PLCB4: variants seen among roughly 807,000 people sequenced by gnomAD.
The protein encoded by PLCB4 is phospholipase C beta 4.
In PLCB4, 77 loss-of-function variants were observed where a neutral mutation model predicts 178.8. That is an observed-to-expected ratio of 0.43 (90% CI 0.36 to 0.52). The LOEUF is 0.52. Among genes scored for constraint, PLCB4 ranks in the 20% least tolerant of loss-of-function variants. The pLI is 0.00. For missense variants in PLCB4, 1,024 were observed against 1,453.4 expected, an observed-to-expected ratio of 0.70 and a Z score of 4.80; for synonymous variants, 496 against 490.8, an observed-to-expected ratio of 1.01 and a Z score of -0.14.
chr20:9,406,575 G>GC (rs2039452133), intron 21 of PLCB4, among the ~76,000 whole-genome samples: 1 of 150,620 alleles, frequency 6.6e-6, no homozygotes, highest in Admixed American at 6.6e-5. Context: ...TGAAAGCTCT[G>GC]CCCCCCGGGT....
intron 12 of PLCB4, among the ~76,000 whole-genome samples, chr20:9,373,465 T>A (rs920706639): frequency 1.3e-5 from 2 of 152,228 alleles, no homozygotes; most frequent in African/African-American, 4.8e-5. Context: ...AGAGAATGGA[T>A]TGAGTTTACT....
At chr20:9,135,508 G>A (rs13044386) in intron 2 of PLCB4, among the ~76,000 whole-genome samples, 22,236 of 152,016 alleles carry the variant, frequency 0.15, 1,694 homozygotes, top group Middle Eastern at 0.19. Context: ...TACAAAGCAC[G>A]ACTTTGTTTC....
rs1324317635 is a variant in PLCB4 at position 9,076,173 on chromosome 20, A to G, written c.-135+6967A>G. Among the ~76,000 whole-genome samples, 3 of 152,130 alleles carry G rather than the reference A, an allele frequency of 2.0e-5. No homozygotes were observed. The East Asian group carries it at 5.8e-4, about 29-fold the overall frequency. ...TCCTGTTTCATGGTGCTCCTTTAAA[A>G]TAAGAACACCTGGCCGGGCGCGATG... On this transcript the variant is annotated intron_variant, in intron 1 of 39. Transcript: ENST00000378473.
chr20:9,243,369 T>C (rs2094087863), intron 3 of PLCB4, among the ~76,000 whole-genome samples: 2 of 152,172 alleles, frequency 1.3e-5, no homozygotes, highest in South Asian at 4.1e-4. Flanking sequence ...AAATTTATTT[T>C]AGAAAAAGGC....
chr20:9,383,460 C>T lies in PLCB4; in HGVS notation c.854-741C>T, dbSNP rs893941584. Among the ~76,000 whole-genome samples the T allele has an allele frequency of 2.0e-5, 3 of 152,174 alleles. No homozygotes were observed. In the South Asian group the frequency reaches 6.2e-4, roughly 31 times the overall value. ...TGCAAGTTCTTAAATAAAACAAAAA[C>T]TTGAAGCTGTCGATGCATCAACCAT... On this transcript the variant is annotated intron_variant, in intron 13 of 39. Transcript: ENST00000378473.
At chr20:9,235,067 A>G (rs2093978914) in intron 3 of PLCB4, among the ~76,000 whole-genome samples, 2 of 152,136 alleles carry the variant, frequency 1.3e-5, no homozygotes, top group African/African-American at 4.8e-5. Flanking sequence ...TGGTTGTAAG[A>G]TGTGATGGAC....
At chr20:9,300,173 G>A (rs949664021) in intron 3 of PLCB4, among the ~76,000 whole-genome samples, 3 of 152,116 alleles carry the variant, frequency 2.0e-5, no homozygotes, top group South Asian at 4.1e-4. Context: ...TGAAATATGT[G>A]TGATAGATTC....
chr20:9,326,421 C>A (rs1486350884), intron 4 of PLCB4, among the ~76,000 whole-genome samples: 1 of 152,094 alleles, frequency 6.6e-6, no homozygotes, highest in African/African-American at 2.4e-5. Context: ...ACTGTCATTG[C>A]TGGAATGAGC....
At chr20:9,136,210 T>A (rs1251200648) in intron 2 of PLCB4, among the ~76,000 whole-genome samples, 1 of 152,146 alleles carries the variant, frequency 6.6e-6, no homozygotes, top group African/African-American at 2.4e-5. Flanking sequence ...ATGCATTGTC[T>A]TAGGTTGGCT....
chr20:9,257,259 A>G (rs1459148639), intron 3 of PLCB4, among the ~76,000 whole-genome samples: 1 of 152,226 alleles, frequency 6.6e-6, no homozygotes, highest in African/African-American at 2.4e-5. Flanking sequence ...AGGTAACTGC[A>G]TGATTTTAAT....
Position 9,393,523 on chromosome 20 carries a change from G to C in PLCB4, c.1324-65G>C. On this transcript the variant is annotated intron_variant, in intron 17 of 39. Transcript: ENST00000378473. ...CTCCCAGGCCTCCCAGGCTCCTCCT[G>C]GACTGGGAAGGAGAATGGAGAAGCA... 2.7e-6 allele frequency: 3 copies of C among 1,105,882 alleles called. No individual in the cohort carries two copies. In the East Asian group the frequency reaches 7.1e-5, roughly 26 times the overall value. 68.5% of individuals were successfully genotyped at this position (1,105,882 alleles called of 1,614,324 possible). A position where few individuals can be genotyped will look rare whatever the true frequency, so the allele number is the denominator to read the frequency against.
At chr20:9,245,610 C>A (rs2094116347) in intron 3 of PLCB4, among the ~76,000 whole-genome samples, 1 of 152,086 alleles carries the variant, frequency 6.6e-6, no homozygotes. Context: ...ATGCTTCCAC[C>A]AGCAGAAGTT....
At chr20:9,286,923 T>G (rs2094540997) in intron 3 of PLCB4, among the ~76,000 whole-genome samples, 1 of 152,014 alleles carries the variant, frequency 6.6e-6, no homozygotes, top group Non-Finnish European at 1.5e-5. Flanking sequence ...AACAACTTCT[T>G]CAATCTCTTG....
intron 5 of PLCB4, among the ~76,000 whole-genome samples, chr20:9,337,575 T>A (rs2032628460): frequency 6.6e-6 from 1 of 152,172 alleles, no homozygotes. Flanking sequence ...TTCATCTCAT[T>A]ATACCCTGGG....
chr20:9,322,211 G>A (rs1371972715), intron 4 of PLCB4, among the ~76,000 whole-genome samples: 1 of 142,700 alleles, frequency 7.0e-6, no homozygotes, highest in Non-Finnish European at 1.5e-5. Context: ...CTCCTGCTTT[G>A]GTCTCCCAGA....
intron 2 of PLCB4, among the ~76,000 whole-genome samples, chr20:9,169,221 T>A (rs2093024303): frequency 6.6e-6 from 1 of 152,144 alleles, no homozygotes; most frequent in East Asian, 1.9e-4. Flanking sequence ...ACACACAATT[T>A]TCCAATGTAA....
At chr20:9,327,402 A>G (rs2030812283) in intron 4 of PLCB4, among the ~76,000 whole-genome samples, 1 of 151,026 alleles carries the variant, frequency 6.6e-6, no homozygotes, top group Admixed American at 6.6e-5. Flanking sequence ...CTATGATTGT[A>G]CCAGGAGTTT....
At chr20:9,178,375 G>A (rs1600926131) in intron 2 of PLCB4, among the ~76,000 whole-genome samples, 1 of 152,016 alleles carries the variant, frequency 6.6e-6, no homozygotes, top group East Asian at 1.9e-4. Context: ...ATCACCTTCT[G>A]TGGTGGCATA....
intron 3 of PLCB4, among the ~76,000 whole-genome samples, chr20:9,239,855 G>A (rs566771679): frequency 3.0e-4 from 46 of 152,282 alleles, no homozygotes; most frequent in African/African-American, 1.1e-3. Context: ...GTCAGTCCAA[G>A]AGTCCAAAAG....
Sources: gnomAD v4.1 joint callset for allele counts (sites outside exome capture counted in the v4.1 genomes callset) on GRCh38, gnomAD v4.1.1 for gene constraint, MANE v1.5 for transcripts, NCBI Gene and HGNC (gene_info 2026-07-23, HGNC 2026-07-21) for gene names.